Variants in QTGAL observed in about 807,000 individuals in gnomAD.
QTGAL encodes BGnT-like protein 1.
At chr17:83,034,192 G>A in the QTGAL span, among the ~76,000 whole-genome samples, 14 of 151,882 alleles carry the variant, frequency 9.2e-5, no homozygotes, top group African/African-American at 2.9e-4. Context: ...CATCTGCCTC[G>A]GCCTCCCAAA....
At chr17:83,001,253 T>C in the QTGAL span, among the ~76,000 whole-genome samples, 1,884 of 152,190 alleles carry the variant, frequency 0.012, 40 homozygotes, top group African/African-American at 0.043. Context: ...ACCAGGGAGA[T>C]GCAATCAGCA....
At chr17:83,033,177 C>T in the QTGAL span, among the ~76,000 whole-genome samples, 2 of 152,260 alleles carry the variant, frequency 1.3e-5, no homozygotes, top group Admixed American at 6.5e-5. Context: ...ACTATACAAG[C>T]GACTACCTGT....
the QTGAL span, among the ~76,000 whole-genome samples, chr17:82,972,493 G>A: frequency 9.9e-5 from 11 of 111,256 alleles, no homozygotes; most frequent in African/African-American, 2.9e-4. Context: ...AGGACCTGGT[G>A]CCGACACACC....
chr17:82,961,295 T>C, the QTGAL span: 15 of 1,434,154 alleles, frequency 1.0e-5, no homozygotes, highest in Admixed American at 2.2e-5. Context: ...GAAAAGGCTT[T>C]TGTTGCAAAG....
the QTGAL span, chr17:83,006,984 G>A: frequency 9.9e-6 from 4 of 403,636 alleles, no homozygotes; most frequent in Non-Finnish European, 1.3e-5. This position sits in a 1 kb window ranked among gnomAD's most constrained non-coding sequence, Gnocchi z 5.8. Flanking sequence ...CCTCTCGCCA[G>A]CACTGGGTGT....
At chr17:82,974,786 G>A in the QTGAL span, among the ~76,000 whole-genome samples, 1 of 152,352 alleles carries the variant, frequency 6.6e-6, no homozygotes, top group East Asian at 1.9e-4. Flanking sequence ...ACAGCGGCAG[G>A]AGGCACAGGC....
the QTGAL span, among the ~76,000 whole-genome samples, chr17:82,978,153 C>T: frequency 0.088 from 13,367 of 152,146 alleles, 667 homozygotes; most frequent in African/African-American, 0.13. This position sits in a 1 kb window ranked among gnomAD's most constrained non-coding sequence, Gnocchi z 4.8. Flanking sequence ...AAACAAGCCA[C>T]GCGTGGCCTT....
At chr17:82,971,487 C>T in the QTGAL span, among the ~76,000 whole-genome samples, 151 of 152,164 alleles carry the variant, frequency 9.9e-4, no homozygotes, top group African/African-American at 3.4e-3. Flanking sequence ...CGTCTCCTCC[C>T]TGGGGCCTCC....
At chr17:82,945,759 ATGTCTCCAGACAC>A in the QTGAL span, 4 of 152,196 alleles carry the variant, frequency 2.6e-5, no homozygotes, top group African/African-American at 9.7e-5. Flanking sequence ...AGAAAAAAAA[ATGTCTCCAGACAC>A]TGCCAAATAT....
the QTGAL span, among the ~76,000 whole-genome samples, chr17:83,050,035 A>G: frequency 6.6e-6 from 1 of 152,200 alleles, no homozygotes; most frequent in South Asian, 2.1e-4. Context: ...TTTACAAATG[A>G]AACCTCACTC....
chr17:82,960,918 G>T, the QTGAL span: 1 of 1,311,482 alleles, frequency 7.6e-7, no homozygotes, highest in Non-Finnish European at 1.0e-6. Flanking sequence ...GTTGCCCCGT[G>T]TCCCACCAGA....
chr17:82,980,653 A>G, the QTGAL span, among the ~76,000 whole-genome samples: 1 of 152,252 alleles, frequency 6.6e-6, no homozygotes, highest in African/African-American at 2.4e-5. Flanking sequence ...ACAGATGAAG[A>G]GATGACGGGG....
At chr17:82,995,218 C>A in the QTGAL span, among the ~76,000 whole-genome samples, 2 of 151,930 alleles carry the variant, frequency 1.3e-5, no homozygotes, top group African/African-American at 4.8e-5. Flanking sequence ...TAAAGGGCAT[C>A]CAAATTGGAA....
At chr17:83,012,544 C>T in the QTGAL span, among the ~76,000 whole-genome samples, 22 of 152,218 alleles carry the variant, frequency 1.4e-4, no homozygotes, top group Non-Finnish European at 7.3e-5. Context: ...AGTCCAGCCA[C>T]GGTTTCCAGC....
chr17:82,961,369 C>T, the QTGAL span: 3 of 319,900 alleles, frequency 9.4e-6, no homozygotes, highest in South Asian at 2.7e-5. Context: ...AGCAACCGAG[C>T]TTCTCCACAG....
chr17:83,018,957 C>T, the QTGAL span, among the ~76,000 whole-genome samples: 10 of 152,338 alleles, frequency 6.6e-5, no homozygotes, highest in East Asian at 1.9e-3. Context: ...CTCACTGTCA[C>T]TCCTGGTGAT....
At chr17:83,027,418 C>T in the QTGAL span, among the ~76,000 whole-genome samples, 1 of 152,212 alleles carries the variant, frequency 6.6e-6, no homozygotes, top group Admixed American at 6.5e-5. Flanking sequence ...AAACTAGAAG[C>T]TACCAGAAAA....
At chr17:82,946,895 TG>T in the QTGAL span, 5 of 1,559,716 alleles carry the variant, frequency 3.2e-6, 1 homozygote, top group Non-Finnish European at 4.3e-6. Flanking sequence ...GCAGCTGCCA[TG>T]GGTCCGTCAG....
the QTGAL span, among the ~76,000 whole-genome samples, chr17:82,951,398 C>T: frequency 6.6e-6 from 1 of 152,224 alleles, no homozygotes. Context: ...AGCTTCCTCA[C>T]ATCATTCAGC....
Sources: allele counts gnomAD v4.1 joint callset (sites outside exome capture counted in the v4.1 genomes callset), GRCh38; gene constraint gnomAD v4.1.1; non-coding constraint Gnocchi (gnomAD v3.1); transcripts MANE v1.5; gene names NCBI Gene and HGNC (gene_info 2026-07-23, HGNC 2026-07-21).